RBFOX1: variants seen among roughly 807,000 people sequenced by gnomAD.
The protein encoded by RBFOX1 is RNA binding protein fox-1 homolog 1.
A neutral mutation model predicts 57.7 loss-of-function variants in RBFOX1; 8 were observed. The observed-to-expected ratio is 0.14, with a 90% confidence interval of 0.08 to 0.25. The LOEUF (loss-of-function observed/expected upper bound fraction) is 0.25, where lower values mean the gene tolerates loss of function less well. RBFOX1 is among the 10% of genes least tolerant of loss of function. RBFOX1 has a pLI of 1.00. For synonymous variants in RBFOX1, 326 were observed against 222.4 expected, an observed-to-expected ratio of 1.47 and a Z score of -4.15; for missense variants, 611 against 548.5, an observed-to-expected ratio of 1.11 and a Z score of -1.14.
intron 5 of RBFOX1, among the ~76,000 whole-genome samples, chr16:7,539,214 A>C (rs1347834759): frequency 6.6e-6 from 1 of 152,178 alleles, no homozygotes. Context: ...TATTAGGTTG[A>C]AAAAGAGAAG....
At chr16:6,640,645 A>G (rs1470288235) in intron 2 of RBFOX1, among the ~76,000 whole-genome samples, 2 of 152,178 alleles carry the variant, frequency 1.3e-5, no homozygotes, top group African/African-American at 4.8e-5. Context: ...ATACTACTTT[A>G]TAGAGCCAGT....
intron 2 of RBFOX1, among the ~76,000 whole-genome samples, chr16:6,357,193 C>T (rs376050053): frequency 4.6e-5 from 7 of 152,040 alleles, no homozygotes; most frequent in African/African-American, 1.2e-4. Flanking sequence ...CTGCTTTGCA[C>T]GCTATTGTAC....
At position 6,937,519 on chromosome 16, in the gene RBFOX1, G is replaced by C. The variant is rs541415643; in HGVS notation, c.-15-114538G>C. On this transcript the variant is annotated intron_variant, in intron 3 of 15. Transcript: ENST00000550418. ...CATAGGAGTGACACAGACATCAGGA[G>C]ATCCTGAGAACACACACCCATAGTG... 3.9e-5 allele frequency among the ~76,000 whole-genome samples: 6 copies of C among 152,212 alleles called. No individual in the cohort carries two copies. In the South Asian group the frequency reaches 1.0e-3, roughly 26 times the overall value.
chr16:6,990,497 C>A (rs1243878338), intron 3 of RBFOX1, among the ~76,000 whole-genome samples: 1 of 151,978 alleles, frequency 6.6e-6, no homozygotes, highest in Non-Finnish European at 1.5e-5. Context: ...TGCATTCCCA[C>A]CTGGGCAACA....
intron 2 of RBFOX1, among the ~76,000 whole-genome samples, chr16:5,588,071 C>T (rs1428207112): frequency 2.0e-5 from 3 of 152,126 alleles, no homozygotes; most frequent in Non-Finnish European, 4.4e-5. Flanking sequence ...TTGTTTGAAC[C>T]TTGGGAACAT....
chr16:7,239,946 C>A (rs555619835), intron 4 of RBFOX1, among the ~76,000 whole-genome samples: 4 of 152,112 alleles, frequency 2.6e-5, no homozygotes, highest in Non-Finnish European at 5.9e-5. Context: ...CCAAAACTTC[C>A]TACCTGTTGA....
intron 4 of RBFOX1, among the ~76,000 whole-genome samples, chr16:7,098,192 C>G (rs1275499275): frequency 1.3e-5 from 2 of 152,164 alleles, no homozygotes; most frequent in Non-Finnish European, 2.9e-5. Flanking sequence ...TATTTAGAGA[C>G]AGAGTCTAGC....
intron 5 of RBFOX1, among the ~76,000 whole-genome samples, chr16:7,529,153 C>G (rs191366131): frequency 2.0e-3 from 301 of 152,080 alleles, no homozygotes; most frequent in Admixed American, 4.2e-3. Context: ...CCCCACTGCT[C>G]GGGAGGCTGA....
At chr16:5,392,670 T>A (rs1196800724) in intron 1 of RBFOX1, among the ~76,000 whole-genome samples, 1 of 152,114 alleles carries the variant, frequency 6.6e-6, no homozygotes, top group African/African-American at 2.4e-5. Context: ...AAGGAGATTT[T>A]TGAAGCTTCT....
chr16:6,754,467 C>T (rs1300442413), intron 3 of RBFOX1, among the ~76,000 whole-genome samples: 3 of 152,166 alleles, frequency 2.0e-5, no homozygotes, highest in Non-Finnish European at 2.9e-5. Flanking sequence ...TTGTTTCTTC[C>T]ACAATTTCAG....
At chr16:5,403,419 T>G (rs1011194895) in intron 1 of RBFOX1, among the ~76,000 whole-genome samples, 17 of 151,724 alleles carry the variant, frequency 1.1e-4, no homozygotes, top group Non-Finnish European at 2.2e-4. Flanking sequence ...TGTAATGCAC[T>G]GCTTGTAATA....
chr16:7,122,486 C>G (rs1339251550), intron 4 of RBFOX1, among the ~76,000 whole-genome samples: 1 of 152,054 alleles, frequency 6.6e-6, no homozygotes, highest in African/African-American at 2.4e-5. Context: ...ACATCATTAG[C>G]TATTCAGCAA....
intron 2 of RBFOX1, among the ~76,000 whole-genome samples, chr16:5,538,306 G>A (rs1049597769): frequency 3.3e-5 from 5 of 152,140 alleles, no homozygotes; most frequent in African/African-American, 1.2e-4. Context: ...TAAAATGGAG[G>A]TAATGAAAAT....
chr16:6,672,241 C>A (rs1366655892), intron 3 of RBFOX1, among the ~76,000 whole-genome samples: 2 of 152,020 alleles, frequency 1.3e-5, no homozygotes, highest in African/African-American at 4.8e-5. Flanking sequence ...TATAATCCAC[C>A]ACCATAACGC....
chr16:7,544,724 G>C (rs991343184), intron 5 of RBFOX1, among the ~76,000 whole-genome samples: 13 of 152,208 alleles, frequency 8.5e-5, no homozygotes, highest in Non-Finnish European at 1.8e-4. Context: ...TAGTCACCTA[G>C]CTGGTCATAA....
intron 2 of RBFOX1, among the ~76,000 whole-genome samples, chr16:6,613,225 C>T (rs1012121432): frequency 2.0e-5 from 3 of 152,102 alleles, no homozygotes; most frequent in African/African-American, 7.2e-5. Context: ...CCACTGTGCA[C>T]TTCCCTTCCC....
At chr16:6,898,300 C>T (rs954475894) in intron 3 of RBFOX1, among the ~76,000 whole-genome samples, 11 of 152,110 alleles carry the variant, frequency 7.2e-5, no homozygotes, top group East Asian at 1.9e-4. Context: ...TGCCCCTCCA[C>T]GACCTCTCAG....
intron 4 of RBFOX1, among the ~76,000 whole-genome samples, chr16:7,168,172 C>G (rs1222313820): frequency 6.6e-6 from 1 of 152,142 alleles, no homozygotes; most frequent in Non-Finnish European, 1.5e-5. Flanking sequence ...TCAATGATGG[C>G]TTTTCTATGA....
intron 2 of RBFOX1, among the ~76,000 whole-genome samples, chr16:6,388,415 A>C (rs2092418115): frequency 6.6e-6 from 1 of 152,166 alleles, no homozygotes; most frequent in African/African-American, 2.4e-5. Context: ...ATGAAGACCA[A>C]GGTTCAATGG....
Sources: allele counts gnomAD v4.1 joint callset (sites outside exome capture counted in the v4.1 genomes callset), GRCh38; gene constraint gnomAD v4.1.1; transcripts MANE v1.5; gene names NCBI Gene and HGNC (gene_info 2026-07-23, HGNC 2026-07-21).